The following EPHB1 variants were observed in gnomAD, a reference collection of about 807,000 sequenced individuals.
The protein encoded by EPHB1 is ephrin type-B receptor 1.
Under a neutral mutation model 94.4 loss-of-function variants are expected in EPHB1, and 30 were observed. That is an observed-to-expected ratio of 0.32 (90% CI 0.24 to 0.43). The LOEUF is 0.43. Among genes scored for constraint, EPHB1 ranks in the 20% least tolerant of loss-of-function variants. The pLI, the probability that EPHB1 is intolerant of heterozygous loss-of-function variation, is 1.00. For synonymous variants in EPHB1, 522 were observed against 489.1 expected, an observed-to-expected ratio of 1.07 and a Z score of -0.89; for missense variants, 1,055 against 1,308.3, an observed-to-expected ratio of 0.81 and a Z score of 2.99.
intron 5 of EPHB1, among the ~76,000 whole-genome samples, chr3:135,147,532 C>A (rs796738535): frequency 1.3e-5 from 2 of 152,292 alleles, no homozygotes; most frequent in African/African-American, 2.4e-5. Flanking sequence ...GGTTACCAAG[C>A]CTTAGGTTCA....
intron 6 of EPHB1, among the ~76,000 whole-genome samples, chr3:135,160,111 T>G (rs1042063517): frequency 2.0e-5 from 3 of 152,144 alleles, no homozygotes; most frequent in African/African-American, 7.2e-5. Flanking sequence ...CATCTTCTAT[T>G]TATTTACCAG....
intron 3 of EPHB1, among the ~76,000 whole-genome samples, chr3:134,957,812 C>T (rs1933340838): frequency 6.6e-6 from 1 of 152,136 alleles, no homozygotes; most frequent in Non-Finnish European, 1.5e-5. Flanking sequence ...CAAATTGGGG[C>T]TGGGAATGAG....
intron 1 of EPHB1, among the ~76,000 whole-genome samples, chr3:134,816,801 G>A (rs986485822): frequency 3.3e-5 from 5 of 152,006 alleles, no homozygotes; most frequent in African/African-American, 1.2e-4. Flanking sequence ...AGGCACGTGT[G>A]CTGGGGCGAT....
At chr3:134,937,873 C>T (rs570976413) in intron 2 of EPHB1, among the ~76,000 whole-genome samples, 3 of 151,388 alleles carry the variant, frequency 2.0e-5, no homozygotes, top group Non-Finnish European at 2.9e-5. Flanking sequence ...AATACCCTGC[C>T]GCCGTTGCCA....
intron 11 of EPHB1, among the ~76,000 whole-genome samples, chr3:135,193,185 A>G (rs1429694980): frequency 6.6e-6 from 1 of 152,186 alleles, no homozygotes; most frequent in Non-Finnish European, 1.5e-5. Context: ...TCTGCCTTTC[A>G]TCAGCACAGC....
chr3:135,236,645 A>C (rs1303482281), intron 12 of EPHB1, among the ~76,000 whole-genome samples: 1 of 152,124 alleles, frequency 6.6e-6, no homozygotes, highest in African/African-American at 2.4e-5. Context: ...TTCATGATAC[A>C]CTCGGCCATG....
chr3:135,040,412 C>A (rs543941685), intron 3 of EPHB1, among the ~76,000 whole-genome samples: 1 of 152,330 alleles, frequency 6.6e-6, no homozygotes, highest in South Asian at 2.1e-4. Flanking sequence ...ATCCTCAGAG[C>A]AGCCTGGCTT....
rs36119 is a variant in EPHB1 at position 134,978,222 on chromosome 3, C to A, written c.805+26170C>A. On this transcript the variant is annotated intron_variant, in intron 3 of 15. Transcript: ENST00000398015. The stretch of plus-strand genomic sequence containing the variant: ...CTCAACCTTCCCTTTCTCTCTGCTG[C>A]CCCTACCCTAAGCCACTGTAGTTGG... 701 of 308,638 alleles carry A rather than the reference C, an allele frequency of 2.3e-3. 4 individuals carry two copies. The highest frequency in any genetic ancestry group is 0.015 in the African/African-American group (657 of 44,696). The allele number at this position is 308,638 out of a possible 1,614,324, so 19.1% of individuals were successfully genotyped here.
intron 1 of EPHB1, among the ~76,000 whole-genome samples, chr3:134,816,356 G>A (rs1360249497): frequency 6.6e-6 from 1 of 151,888 alleles, no homozygotes; most frequent in African/African-American, 2.4e-5. Context: ...GCCTCCCAAA[G>A]TGCTGGGATT....
In EPHB1 at chr3:135,074,642, C is replaced by T. The variant is rs537889149; in HGVS notation, c.806-31806C>T. On this transcript the variant is annotated intron_variant, in intron 3 of 15. Transcript: ENST00000398015. ...CCTGGGAAGGTGTTGGTCACTGATC[C>T]ACAGGCAATTGCACTTACCTAGTCT... Among the ~76,000 whole-genome samples the T allele has an allele frequency of 5.3e-5, 8 of 152,306 alleles. No individual in the cohort carries two copies. The South Asian group carries it at 1.7e-3, about 32-fold the overall frequency.
intron 2 of EPHB1, among the ~76,000 whole-genome samples, chr3:134,928,296 C>T (rs2038834568): frequency 6.6e-6 from 1 of 152,202 alleles, no homozygotes; most frequent in South Asian, 2.1e-4. Flanking sequence ...ATGTTGGATA[C>T]CCCATCACAG....
At chr3:135,042,712 G>A (rs969435782) in intron 3 of EPHB1, among the ~76,000 whole-genome samples, 14 of 152,164 alleles carry the variant, frequency 9.2e-5, no homozygotes, top group African/African-American at 3.4e-4. Flanking sequence ...GTGACTCTAG[G>A]TAGGTAAGGT....
intron 1 of EPHB1, among the ~76,000 whole-genome samples, chr3:134,889,486 C>T (rs1009122208): frequency 3.3e-5 from 5 of 152,018 alleles, no homozygotes; most frequent in Non-Finnish European, 7.4e-5. Flanking sequence ...GTAGATATCC[C>T]TCTGGAAAAA....
intron 3 of EPHB1, among the ~76,000 whole-genome samples, chr3:134,979,823 A>T (rs1337960023): frequency 1.3e-5 from 2 of 152,162 alleles, no homozygotes; most frequent in Middle Eastern, 3.2e-3. Flanking sequence ...TGGAAACAAG[A>T]GTGCTTGAAT....
At chr3:135,071,760 C>T (rs1249002846) in intron 3 of EPHB1, among the ~76,000 whole-genome samples, 2 of 152,202 alleles carry the variant, frequency 1.3e-5, no homozygotes, top group Admixed American at 1.3e-4. Context: ...ATACACTCAC[C>T]TGCTGACTTG....
In EPHB1 at chr3:135,133,031, A is replaced by G. The variant is rs1434117279; in HGVS notation, c.1279A>G (p.Ile427Val). ...CCCCCCACAGCACGTCTCTGTCAACATCACCACAAACCAAGCCGGTAAGTC... is the reference window on the plus strand; with the variant it reads ...CCCCCCACAGCACGTCTCTGTCAACGTCACCACAAACCAAGCCGGTAAGTC... Reference protein sequence around the residue: ...PFPPQHVSVNITTNQAAPSTV... With the variant: ...PFPPQHVSVNVTTNQAAPSTV... Residue 427 changes from isoleucine to valine, a missense_variant, in exon 5 of 16, where the codon ATC (isoleucine) becomes GTC (valine). Coordinates refer to ENST00000398015, the MANE Select transcript of EPHB1 (RefSeq NM_004441.5). 2.5e-6 allele frequency: 4 copies of G among 1,594,292 alleles called. No homozygotes were observed. Among genetic ancestry groups the G allele is most frequent in the Non-Finnish European group, 2.6e-6 (3 of 1,165,450 alleles).
At chr3:135,097,357 C>T (rs1429676827) in intron 3 of EPHB1, among the ~76,000 whole-genome samples, 1 of 151,900 alleles carries the variant, frequency 6.6e-6, no homozygotes, top group South Asian at 2.1e-4. Flanking sequence ...TGAGAGAAAC[C>T]GATGCCTAGC....
intron 3 of EPHB1, among the ~76,000 whole-genome samples, chr3:134,969,585 C>T (rs1437835797): frequency 6.6e-6 from 1 of 152,126 alleles, no homozygotes; most frequent in Non-Finnish European, 1.5e-5. Flanking sequence ...TCTGCTTGGG[C>T]TTCTTTTCTG....
chr3:135,054,178 A>C (rs1937281186), intron 3 of EPHB1, among the ~76,000 whole-genome samples: 1 of 152,086 alleles, frequency 6.6e-6, no homozygotes, highest in African/African-American at 2.4e-5. Context: ...GGCCTCATCC[A>C]ATCAGTTGAA....
Sources: allele counts gnomAD v4.1 joint callset (sites outside exome capture counted in the v4.1 genomes callset), GRCh38; gene constraint gnomAD v4.1.1; transcripts MANE v1.5; gene names NCBI Gene and HGNC (gene_info 2026-07-23, HGNC 2026-07-21).